HSF1: variants seen among roughly 807,000 people sequenced by gnomAD.
HSF1 encodes heat shock factor protein 1.
In HSF1, 32 loss-of-function variants were observed where a neutral mutation model predicts 51.7. That is an observed-to-expected ratio of 0.62 (90% CI 0.47 to 0.83). HSF1 has a LOEUF of 0.83. Among genes scored for constraint, HSF1 ranks in the 40% least tolerant of loss-of-function variants. The pLI is 0.00. For synonymous variants in HSF1, 396 were observed against 309.7 expected (o/e 1.28, Z -2.92); for missense variants, 727 against 717.0 (o/e 1.01, Z -0.16).
intron 4 of HSF1, 88 bp downstream of exon 4, chr8:144,309,984 G>T: frequency 6.7e-7 from 1 of 1,485,466 alleles, no homozygotes; most frequent in Non-Finnish European, 9.1e-7. Flanking sequence ...GCCCTGACCG[G>T]GGCCAGGTGC....
At chr8:144,296,238 G>T (rs1217303547) in intron 1 of HSF1, among the ~76,000 whole-genome samples, 1 of 152,212 alleles carries the variant, frequency 6.6e-6, no homozygotes, top group Non-Finnish European at 1.5e-5. Context: ...AGGAGTTGCA[G>T]AAGCAGAGCC....
chr8:144,298,906 G>A (rs960312906), intron 1 of HSF1, among the ~76,000 whole-genome samples: 3 of 152,254 alleles, frequency 2.0e-5, no homozygotes, highest in African/African-American at 7.2e-5. Context: ...AAGGGGAAGA[G>A]TAAGTGTAAG....
At chr8:144,299,601 A>G (rs1815720847) in intron 1 of HSF1, among the ~76,000 whole-genome samples, 1 of 151,926 alleles carries the variant, frequency 6.6e-6, no homozygotes, top group African/African-American at 2.4e-5. Context: ...CCTGTGCTCA[A>G]AGAAATAACA....
Position 144,313,856 on chromosome 8 carries a change from C to A in HSF1, c.1259C>A (p.Pro420His). ...CTCCCTCCTCCGCAGCTGTTCAGCC[C>A]CTCGGTGACCGTGCCCGACATGAGC... ...DTSALLDLFS[P>H]SVTVPDMSLP... Residue 420 changes from proline to histidine, a missense_variant, in exon 11 of 13, where the codon CCC (proline) becomes CAC (histidine). Around this residue, in one of 2 missense-constraint regions of HSF1, gnomAD observed 470 missense variants for 398.8 expected, o/e 1.18. Coordinates refer to ENST00000528838, the MANE Select transcript of HSF1 (RefSeq NM_005526.4). 1 of 1,599,968 alleles carries A rather than the reference C, an allele frequency of 6.3e-7. No individual in the cohort carries two copies. Among genetic ancestry groups the A allele is most frequent in the Admixed American group, 1.7e-5 (1 of 58,280 alleles).
rs970216375 is a variant in HSF1 at position 144,303,437 on chromosome 8, G to A, written c.118-5469G>A. Among the ~76,000 whole-genome samples, 7 of 151,912 alleles carry A rather than the reference G, an allele frequency of 4.6e-5. No homozygotes were observed. In the East Asian group the frequency reaches 1.2e-3, roughly 25 times the overall value. ...GCTTCAGAGCTCTTTCCTTATGGAC[G>A]GCCTCTCTCCCCAGGCTGATTTCTC... On this transcript the variant is annotated intron_variant, in intron 1 of 12. Transcript: ENST00000528838.
Position 144,301,929 on chromosome 8 carries a change from AG to A in HSF1, c.118-6976del, listed in dbSNP as rs1554842418. ...GTGGTGCCTGTGGTGCCAGCTACTC[AG>A]AGGCTCGGGTGGAAGGATTGCTCCC... On this transcript the variant is annotated intron_variant, in intron 1 of 12. Coordinates refer to ENST00000528838, the MANE Select transcript of HSF1 (RefSeq NM_005526.4). 5.2e-4 allele frequency among the ~76,000 whole-genome samples: 78 copies of A among 151,084 alleles called. 5 individuals carry two copies. The South Asian group carries it at 0.011, about 22-fold the overall frequency.
chr8:144,294,980 G>C (rs1171581613), intron 1 of HSF1, among the ~76,000 whole-genome samples: 2 of 152,236 alleles, frequency 1.3e-5, no homozygotes, highest in Non-Finnish European at 2.9e-5. Flanking sequence ...GGTACACCTG[G>C]ATCCAGTACC....
chr8:144,291,766 G>A lies in HSF1; in HGVS notation c.9G>A (p.Leu3=). The stretch of plus-strand genomic sequence containing the variant: ...TTCCCTCCTTGCTCGAGATGGATCT[G>A]CCCGTGGGCCCCGGCGCGGCGGGGC... MD[L]PVGPGAAGPS... The change falls in exon 1 of 13, where the codon CTG becomes CTA. Residue 3 remains leucine, a synonymous_variant. Transcript: ENST00000528838. The surrounding 1 kb of genome is among the most constrained non-coding windows in gnomAD (Gnocchi z 4.1). The A allele has an allele frequency of 1.3e-6, 2 of 1,520,554 alleles. No individual in the cohort carries two copies. Among genetic ancestry groups the A allele is most frequent in the Non-Finnish European group, 1.8e-6 (2 of 1,136,700 alleles). The allele number at this position is 1,520,554 out of a possible 1,614,324, so 94.2% of individuals were successfully genotyped here. A position where few individuals can be genotyped will look rare whatever the true frequency, so the allele number is the denominator to read the frequency against.
At position 144,313,631 on chromosome 8, in the gene HSF1, G is replaced by T; in HGVS notation, c.1248+15G>T. 1 of 601,852 alleles carries T rather than the reference G, an allele frequency of 1.7e-6. No homozygotes were observed. 37.3% of individuals were successfully genotyped at this position (601,852 alleles called of 1,614,324 possible). Reference sequence around the variant, plus strand: ...CCCTGCTGGACGTGAGTGGAGCCCCGCCGCCCCGCCTCCCCGCCCCGCCTC... The same window carrying T: ...CCCTGCTGGACGTGAGTGGAGCCCCTCCGCCCCGCCTCCCCGCCCCGCCTC... On this transcript the variant is annotated intron_variant, in intron 10 of 12. Coordinates refer to ENST00000528838, the MANE Select transcript of HSF1 (RefSeq NM_005526.4).
At position 144,311,845 on chromosome 8, in the gene HSF1, C is replaced by T. The variant is rs781887048; in HGVS notation, c.860+9C>T. 76 of 1,596,332 alleles carry T rather than the reference C, an allele frequency of 4.8e-5. No homozygotes were observed. Among genetic ancestry groups the T allele is most frequent in the Non-Finnish European group, 6.2e-5 (73 of 1,172,200 alleles). ...GGGAGCATAGACGAGAGGTGGGGGC[C>T]GCATCACCCCAGCCATCCTGTCCCC... On this transcript the variant is annotated intron_variant, in intron 8 of 12. Coordinates refer to ENST00000528838, the MANE Select transcript of HSF1 (RefSeq NM_005526.4).
chr8:144,312,184 C>CA lies in HSF1; in HGVS notation c.1082_1083insA (p.Pro362SerfsTer10). ...GGCCACACGGACACCGAGGGCCGGCCTCCCTCCCCCCCGCCCACCTCCACC... is the reference window on the plus strand; with the variant it reads ...GGCCACACGGACACCGAGGGCCGGCCATCCCTCCCCCCCGCCCACCTCCACC... On this transcript the variant is annotated frameshift_variant, in exon 9 of 13. Coordinates refer to ENST00000528838, the MANE Select transcript of HSF1 (RefSeq NM_005526.4). LOFTEE classifies it high-confidence loss of function. 6.3e-7 allele frequency: 1 copy of CA among 1,594,196 alleles called. No individual in the cohort carries two copies. The highest frequency in any genetic ancestry group is 8.6e-7 in the Non-Finnish European group (1 of 1,166,452).
At chr8:144,299,994 T>A (rs149950671) in intron 1 of HSF1, among the ~76,000 whole-genome samples, 35 of 152,246 alleles carry the variant, frequency 2.3e-4, no homozygotes, top group African/African-American at 8.4e-4. Context: ...ATCTCCCAAG[T>A]AGAAGAATTC....
chr8:144,314,515 C>A lies in HSF1; in HGVS notation c.*185C>A, dbSNP rs1817094644. 2 of 608,538 alleles carry A rather than the reference C, an allele frequency of 3.3e-6. No individual in the cohort carries two copies. The highest frequency in any genetic ancestry group is 3.7e-5 in the African/African-American group (2 of 54,014). 37.7% of individuals were successfully genotyped at this position (608,538 alleles called of 1,614,324 possible). A position where few individuals can be genotyped will look rare whatever the true frequency, so the allele number is the denominator to read the frequency against. ...AGGGTCACCCTGGCCTGCCAGTCTG[C>A]CTTCCCCCAACCCCGTGTCCTGTGG... On this transcript the variant is annotated 3_prime_UTR_variant, in exon 13 of 13. Coordinates refer to ENST00000528838, the MANE Select transcript of HSF1 (RefSeq NM_005526.4).
At chr8:144,310,086 C>T (rs907260194) in intron 4 of HSF1, 190 bp downstream of exon 4, 16 of 645,954 alleles carry the variant, frequency 2.5e-5, no homozygotes, top group South Asian at 6.2e-5. Context: ...TGGGGCCAGC[C>T]GTTTTCCATG....
chr8:144,309,119 G>A, intron 2 of HSF1, 105 bp downstream of exon 2: 1 of 931,736 alleles, frequency 1.1e-6, no homozygotes, highest in Non-Finnish European at 1.7e-6. Flanking sequence ...TCCTGTGCTG[G>A]CCAAGGGCAT....
In HSF1 at chr8:144,314,590, A is replaced by G. The variant is rs1554846409; in HGVS notation, c.*260A>G. The G allele has an allele frequency of 3.7e-6, 2 of 542,682 alleles. No individual in the cohort carries two copies. The highest frequency in any genetic ancestry group is 2.9e-5 in the East Asian group (1 of 34,236). 33.6% of individuals were successfully genotyped at this position (542,682 alleles called of 1,614,324 possible). ...CCTGGACTGACCCTGCAGGTTGTTC[A>G]TAGTCAGAATTGTATTTTGGATTTT... On this transcript the variant is annotated 3_prime_UTR_variant, in exon 13 of 13. Transcript: ENST00000528838.
intron 1 of HSF1, among the ~76,000 whole-genome samples, chr8:144,306,671 G>A (rs1360587049): frequency 5.3e-5 from 8 of 152,166 alleles, no homozygotes; most frequent in Non-Finnish European, 1.2e-4. Flanking sequence ...CTGGAAAACT[G>A]GAACTCTCAT....
At chr8:144,294,919 G>C (rs148730557) in intron 1 of HSF1, among the ~76,000 whole-genome samples, 1 of 152,246 alleles carries the variant, frequency 6.6e-6, no homozygotes, top group Non-Finnish European at 1.5e-5. Context: ...GAGCATGGGC[G>C]TGCACGTGGG....
chr8:144,308,999 C>A lies in HSF1; in HGVS notation c.211C>A (p.Arg71=). 6.2e-7 allele frequency: 1 copy of A among 1,613,426 alleles called. No individual in the cohort carries two copies. The highest frequency in any genetic ancestry group is 1.1e-5 in the South Asian group (1 of 91,076). ...FKHNNMASFV[R]QLNMYGFRKV... ...GCACAACAACATGGCCAGCTTCGTG[C>A]GGCAGCTCAACATGTGTGAGTGCTG... The change falls in exon 2 of 13, where the codon CGG becomes AGG. Residue 71 remains arginine, a synonymous_variant. Coordinates refer to ENST00000528838, the MANE Select transcript of HSF1 (RefSeq NM_005526.4).
Sources: allele counts gnomAD v4.1 joint callset (sites outside exome capture counted in the v4.1 genomes callset), GRCh38; gene constraint gnomAD v4.1.1; regional missense constraint gnomAD v4.1.1; non-coding constraint Gnocchi (gnomAD v3.1); transcripts MANE v1.5; gene names NCBI Gene and HGNC (gene_info 2026-07-23, HGNC 2026-07-21).